WFDC9: variants seen among roughly 807,000 people sequenced by gnomAD.
WFDC9 encodes protein WFDC9.
WFDC9 carries 9 observed loss-of-function variants against 9.5 expected under a neutral mutation model. The observed-to-expected ratio is 0.95, with a 90% CI of 0.57 to 1.65. The LOEUF is 1.65. WFDC9 is among the 40% of genes most tolerant of loss of function. WFDC9 has a pLI of 0.00. For synonymous variants in WFDC9, 33 were observed against 32.3 expected, an observed-to-expected ratio of 1.02 and a Z score of -0.07; for missense variants, 87 against 106.7, an observed-to-expected ratio of 0.82 and a Z score of 0.81.
intron 1 of WFDC9, among the ~76,000 whole-genome samples, chr20:45,623,194 A>C (rs932394954): frequency 2.6e-5 from 4 of 152,202 alleles, no homozygotes; most frequent in African/African-American, 9.6e-5. Flanking sequence ...GGAAAATAGC[A>C]AACAGATGGA....
chr20:45,608,674 G>A lies in WFDC9; in HGVS notation c.228C>T (p.Cys76=). Residue 76 remains cysteine (C), a synonymous_variant, in exon 4 of 5, where the codon TGC becomes TGT. Transcript: ENST00000326000. ...CCCAACCAACTCACTCGTTGTCTAA[G>A]CAGATGTTTCCACAGTAGGTCCAGC... is the stretch of plus-strand genomic sequence containing the variant. ...TCCWTYCGNI[C]LDNEEPLKSM... is the part of the protein sequence containing the mutation. 1 of 1,612,894 alleles carries A rather than the reference G, an allele frequency of 6.2e-7. No homozygotes were observed. The highest frequency in any genetic ancestry group is 1.3e-5 in the African/African-American group (1 of 75,026).
chr20:45,628,476 A>G (rs1157023568), intron 1 of WFDC9, among the ~76,000 whole-genome samples: 1 of 152,184 alleles, frequency 6.6e-6, no homozygotes, highest in Non-Finnish European at 1.5e-5. Context: ...TGCAGCTTCT[A>G]TTTGAGATGA....
chr20:45,630,111 A>G (rs1982322267), intron 1 of WFDC9, among the ~76,000 whole-genome samples: 1 of 152,096 alleles, frequency 6.6e-6, no homozygotes, highest in Non-Finnish European at 1.5e-5. Flanking sequence ...TGAAGAAGAA[A>G]CCTGCATATT....
intron 1 of WFDC9, among the ~76,000 whole-genome samples, chr20:45,625,480 A>G (rs1431022385): frequency 6.6e-6 from 1 of 152,044 alleles, no homozygotes; most frequent in Non-Finnish European, 1.5e-5. Flanking sequence ...CAATTTACCT[A>G]TTTTTGCTTT....
chr20:45,623,980 CA>C (rs1294384356), intron 1 of WFDC9, among the ~76,000 whole-genome samples: 3 of 152,080 alleles, frequency 2.0e-5, no homozygotes, highest in African/African-American at 4.8e-5. Flanking sequence ...ATCACAAGGT[CA>C]GGAGTTCAAG....
At chr20:45,608,614 A>T (rs1568650937) in intron 4 of WFDC9, 49 bp downstream of exon 4, 1 of 1,575,472 alleles carries the variant, frequency 6.3e-7, no homozygotes, top group Non-Finnish European at 8.6e-7. Flanking sequence ...GGTAAGGACC[A>T]GTGATGAAGC....
chr20:45,623,508 T>C (rs1236738654), intron 1 of WFDC9, among the ~76,000 whole-genome samples: 3 of 151,782 alleles, frequency 2.0e-5, no homozygotes, highest in African/African-American at 7.3e-5. Context: ...GCACCTGTAA[T>C]CCCAGCTACT....
chr20:45,630,892 C>T (rs775742334), intron 1 of WFDC9: 1 of 1,604,664 alleles, frequency 6.2e-7, no homozygotes, highest in Non-Finnish European at 8.5e-7. Flanking sequence ...CCCCAGAAAT[C>T]AAAGTCTGCC....
intron 1 of WFDC9, among the ~76,000 whole-genome samples, chr20:45,621,244 A>G (rs1369507794): frequency 6.6e-6 from 1 of 152,238 alleles, no homozygotes; most frequent in Admixed American, 6.5e-5. Flanking sequence ...TCAGTATGCT[A>G]ACTGTTCCCT....
intron 1 of WFDC9, among the ~76,000 whole-genome samples, chr20:45,623,105 A>G (rs1982136627): frequency 6.6e-6 from 1 of 152,196 alleles, no homozygotes; most frequent in Non-Finnish European, 1.5e-5. Flanking sequence ...ACCCAGAGAG[A>G]AATTCAGAGG....
intron 1 of WFDC9, among the ~76,000 whole-genome samples, chr20:45,618,988 A>C (rs1319108531): frequency 1.3e-5 from 2 of 152,188 alleles, no homozygotes; most frequent in African/African-American, 4.8e-5. Flanking sequence ...TGTTGAGTGC[A>C]CTGAGGGGCA....
At chr20:45,612,949 G>T (rs1226745983) in intron 2 of WFDC9, among the ~76,000 whole-genome samples, 2 of 152,180 alleles carry the variant, frequency 1.3e-5, no homozygotes, top group African/African-American at 2.4e-5. Context: ...GACATGAATT[G>T]CATCATTGCA....
At chr20:45,629,901 C>A (rs921052292) in intron 1 of WFDC9, 62 of 1,612,928 alleles carry the variant, frequency 3.8e-5, no homozygotes, top group Non-Finnish European at 5.2e-5. Flanking sequence ...GAAGAGGATG[C>A]AGAGTAGGTG....
chr20:45,617,801 T>C (rs955903460), intron 1 of WFDC9, among the ~76,000 whole-genome samples: 1 of 152,236 alleles, frequency 6.6e-6, no homozygotes, highest in African/African-American at 2.4e-5. Context: ...TAGCCTACTG[T>C]TGACCAGAAG....
At chr20:45,624,783 T>C (rs925386835) in intron 1 of WFDC9, among the ~76,000 whole-genome samples, 6 of 152,238 alleles carry the variant, frequency 3.9e-5, no homozygotes, top group Non-Finnish European at 8.8e-5. Flanking sequence ...AGTGAGGTGA[T>C]ACCTCATTAT....
chr20:45,609,940 G>A (rs1981823656), intron 3 of WFDC9, 151 bp downstream of exon 3: 3 of 588,968 alleles, frequency 5.1e-6, no homozygotes, highest in South Asian at 2.5e-5. Context: ...AAACTTAAAG[G>A]AATTGGGAAT....
chr20:45,629,944 T>C, intron 1 of WFDC9: 3 of 1,569,636 alleles, frequency 1.9e-6, no homozygotes, highest in Non-Finnish European at 2.6e-6. Flanking sequence ...GGGAATTGGG[T>C]AGGGGGAATG....
chr20:45,619,196 T>C (rs117675634), intron 1 of WFDC9, among the ~76,000 whole-genome samples: 11 of 152,296 alleles, frequency 7.2e-5, no homozygotes, highest in Non-Finnish European at 1.3e-4. Context: ...AAAATGATGT[T>C]CCATGCATGA....
Position 45,608,654 on chromosome 20 carries a change from C to T in WFDC9, c.239+9G>A. On this transcript the variant is annotated intron_variant, in intron 4 of 4. Coordinates refer to ENST00000326000, the MANE Select transcript of WFDC9 (RefSeq NM_147198.4). ...CCAGGCCCTAGCCTTCCCACCCCAA[C>T]CAACTCACTCGTTGTCTAAGCAGAT... is the stretch of plus-strand genomic sequence containing the variant. The T allele has an allele frequency of 6.2e-7, 1 of 1,609,106 alleles. No individual in the cohort carries two copies. The highest frequency in any genetic ancestry group is 8.5e-7 in the Non-Finnish European group (1 of 1,177,402).
Sources: allele counts gnomAD v4.1 joint callset (sites outside exome capture counted in the v4.1 genomes callset), GRCh38; gene constraint gnomAD v4.1.1; transcripts MANE v1.5; gene names NCBI Gene and HGNC (gene_info 2026-07-23, HGNC 2026-07-21).